RFX3: variants seen among roughly 807,000 people sequenced by gnomAD.
The protein encoded by RFX3 is regulatory factor X3.
RFX3 carries 14 observed loss-of-function variants against 98.6 expected under a neutral mutation model. That is an observed-to-expected ratio of 0.14 (90% CI 0.09 to 0.22). RFX3 has a LOEUF of 0.22. RFX3 is among the 10% of genes least tolerant of loss of function. The probability of loss-of-function intolerance (pLI) is 1.00; values close to 1 mark genes in which losing one functional copy is unlikely to be tolerated. For missense variants in RFX3, 639 were observed against 926.9 expected, an observed-to-expected ratio of 0.69 and a Z score of 4.03; for synonymous variants, 383 against 328.4, an observed-to-expected ratio of 1.17 and a Z score of -1.80.
intron 1 of RFX3, among the ~76,000 whole-genome samples, chr9:3,514,261 T>C (rs540881065): frequency 8.1e-4 from 124 of 152,284 alleles, no homozygotes; most frequent in African/African-American, 2.9e-3. Context: ...AAGAGATGGA[T>C]AATGCAAAAA....
intron 1 of RFX3, among the ~76,000 whole-genome samples, chr9:3,502,113 G>T (rs975576068): frequency 4.0e-5 from 6 of 151,422 alleles, no homozygotes; most frequent in Non-Finnish European, 8.8e-5. Flanking sequence ...CAAAAAATTA[G>T]CCGGGCGTAG....
intron 15 of RFX3, 160 bp downstream of exon 15, chr9:3,247,872 G>T: frequency 1.2e-6 from 2 of 1,608,624 alleles, no homozygotes; most frequent in Non-Finnish European, 1.7e-6. Flanking sequence ...AAGAACAGAG[G>T]AATTTAAGGA....
chr9:3,418,929 A>G (rs1211773521), intron 1 of RFX3, among the ~76,000 whole-genome samples: 1 of 152,226 alleles, frequency 6.6e-6, no homozygotes, highest in Non-Finnish European at 1.5e-5. Context: ...CAATACATTT[A>G]ATAATATCAC....
intron 13 of RFX3, among the ~76,000 whole-genome samples, chr9:3,258,397 T>A (rs1391598483): frequency 6.6e-6 from 1 of 152,160 alleles, no homozygotes; most frequent in Non-Finnish European, 1.5e-5. Context: ...ATTATCTCCA[T>A]CTTCTAGTTC....
At chr9:3,354,641 G>A (rs551242911) in intron 2 of RFX3, among the ~76,000 whole-genome samples, 10 of 151,782 alleles carry the variant, frequency 6.6e-5, no homozygotes, top group Admixed American at 4.0e-4. Context: ...AATGAAGAGA[G>A]GATCCTTTTT....
chr9:3,482,267 C>G (rs1486478089), intron 1 of RFX3, among the ~76,000 whole-genome samples: 1 of 151,160 alleles, frequency 6.6e-6, no homozygotes, highest in African/African-American at 2.4e-5. Context: ...TCATAATAAA[C>G]TTTGATTTGT....
At chr9:3,492,755 A>G (rs1158033344) in intron 1 of RFX3, among the ~76,000 whole-genome samples, 1 of 152,152 alleles carries the variant, frequency 6.6e-6, no homozygotes, top group African/African-American at 2.4e-5. Context: ...TATGCTCTAG[A>G]ACAGAACTGC....
intron 1 of RFX3, among the ~76,000 whole-genome samples, chr9:3,483,176 G>C (rs1477356929): frequency 6.6e-6 from 1 of 152,078 alleles, no homozygotes; most frequent in Non-Finnish European, 1.5e-5. Context: ...GTATCACCCA[G>C]ATACACCACT....
chr9:3,349,932 T>C (rs1834901481), intron 2 of RFX3, among the ~76,000 whole-genome samples: 1 of 152,032 alleles, frequency 6.6e-6, no homozygotes, highest in Non-Finnish European at 1.5e-5. Flanking sequence ...TTAAATAAAA[T>C]TGTAAACCTG....
chr9:3,473,189 T>G (rs916685428), intron 1 of RFX3, among the ~76,000 whole-genome samples: 1 of 152,208 alleles, frequency 6.6e-6, no homozygotes, highest in East Asian at 1.9e-4. Context: ...CAAATCAAAG[T>G]AGGCACTATA....
chr9:3,430,528 A>C (rs1844561687), intron 1 of RFX3, among the ~76,000 whole-genome samples: 1 of 152,226 alleles, frequency 6.6e-6, no homozygotes, highest in African/African-American at 2.4e-5. Flanking sequence ...TTTTTAGAGA[A>C]ATAAATGTAT....
chr9:3,373,850 A>G (rs562595813), intron 2 of RFX3, among the ~76,000 whole-genome samples: 90 of 152,290 alleles, frequency 5.9e-4, no homozygotes, highest in Admixed American at 9.8e-4. Context: ...AGGCAGAGGC[A>G]GGCAGATCAC....
chr9:3,505,222 T>TTA (rs1306286411), intron 1 of RFX3, among the ~76,000 whole-genome samples: 3 of 55,576 alleles, frequency 5.4e-5, no homozygotes, highest in South Asian at 8.6e-4. Context: ...GAATATATAT[T>TTA]TATATATGAA....
At chr9:3,467,229 T>C (rs984854137) in intron 1 of RFX3, among the ~76,000 whole-genome samples, 4 of 145,146 alleles carry the variant, frequency 2.8e-5, no homozygotes, top group Admixed American at 1.4e-4. Flanking sequence ...AATGTATATA[T>C]GTATATACAA....
intron 15 of RFX3, among the ~76,000 whole-genome samples, chr9:3,244,011 T>A (rs899883464): frequency 1.2e-4 from 18 of 151,252 alleles, no homozygotes; most frequent in African/African-American, 4.4e-4. Context: ...TTTATTATTT[T>A]TTTTTTTTGA....
chr9:3,271,192 C>A, intron 9 of RFX3, 74 bp from the exon 10 acceptor site: 5 of 1,286,586 alleles, frequency 3.9e-6, no homozygotes, highest in East Asian at 2.4e-5. Flanking sequence ...TCTAACATGA[C>A]AAGATTTTAT....
intron 2 of RFX3, among the ~76,000 whole-genome samples, chr9:3,391,915 TG>T (rs1840352790): frequency 1.3e-5 from 2 of 152,192 alleles, no homozygotes; most frequent in Admixed American, 1.3e-4. Context: ...ATACCAAGCA[TG>T]GGTAATACCA....
intron 1 of RFX3, among the ~76,000 whole-genome samples, chr9:3,410,324 T>C (rs1019276413): frequency 1.3e-5 from 2 of 152,090 alleles, no homozygotes; most frequent in African/African-American, 4.8e-5. Context: ...ATCTTGGTGT[T>C]CCATGCTCAG....
intron 1 of RFX3, among the ~76,000 whole-genome samples, chr9:3,504,120 CCT>C (rs1045135201): frequency 3.9e-5 from 5 of 128,872 alleles, no homozygotes; most frequent in African/African-American, 1.4e-4. Context: ...TCTCTCTCTC[CCT>C]CTCTCTTTAT....
Sources: allele counts gnomAD v4.1 joint callset (sites outside exome capture counted in the v4.1 genomes callset), GRCh38; gene constraint gnomAD v4.1.1; transcripts MANE v1.5; gene names NCBI Gene and HGNC (gene_info 2026-07-23, HGNC 2026-07-21).